TBC1D5: variants seen among roughly 807,000 people sequenced by gnomAD.
TBC1D5 encodes TBC1 domain family, member 5.
Under a neutral mutation model 100.3 loss-of-function variants are expected in TBC1D5, and 75 were observed. That is an observed-to-expected ratio of 0.75 (90% CI 0.62 to 0.91). TBC1D5 has a LOEUF of 0.91. Ranked by LOEUF, TBC1D5 falls within the 40% of genes least tolerant of loss-of-function variation. The pLI is 0.00. For synonymous variants in TBC1D5, 323 were observed against 325.6 expected (o/e 0.99, Z 0.09); for missense variants, 910 against 942.4 (o/e 0.97, Z 0.45).
chr3:17,738,065 C>T (rs966440089), intron 1 of TBC1D5, among the ~76,000 whole-genome samples: 1 of 152,210 alleles, frequency 6.6e-6, no homozygotes, highest in African/African-American at 2.4e-5. Flanking sequence ...CCAATCCTTT[C>T]ACACCATCAC....
chr3:17,345,569 A>C (rs10049142), intron 13 of TBC1D5, among the ~76,000 whole-genome samples: 1 of 151,238 alleles, frequency 6.6e-6, no homozygotes, highest in Non-Finnish European at 1.5e-5. Flanking sequence ...CCCATTACTG[A>C]GTATATACCC....
intron 2 of TBC1D5, among the ~76,000 whole-genome samples, chr3:17,553,228 A>T (rs1483793958): frequency 1.3e-5 from 2 of 152,184 alleles, no homozygotes; most frequent in South Asian, 4.1e-4. Context: ...GTCAATACAC[A>T]AAGTCCTTAG....
chr3:17,362,496 G>C lies in TBC1D5; in HGVS notation c.995+9579C>G, dbSNP rs77147915. Among the ~76,000 whole-genome samples, 5 of 147,314 alleles carry C rather than the reference G, an allele frequency of 3.4e-5. No individual in the cohort carries two copies. The East Asian group carries it at 7.9e-4, about 23-fold the overall frequency. ...CACGTAGACTGACTTTTTTTTTTTT[G>C]AGTCTCACTCTGTCGTCCAGGCTGG... On this transcript the variant is annotated intron_variant, in intron 13 of 21. Transcript: ENST00000253692.
intron 8 of TBC1D5, among the ~76,000 whole-genome samples, chr3:17,388,264 A>G (rs908742409): frequency 6.6e-6 from 1 of 152,138 alleles, no homozygotes; most frequent in African/African-American, 2.4e-5. Context: ...CATCACAAAC[A>G]TGTGGTGTGT....
chr3:17,663,366 C>T (rs1316314782), intron 1 of TBC1D5, among the ~76,000 whole-genome samples: 2 of 151,200 alleles, frequency 1.3e-5, no homozygotes, highest in Admixed American at 6.6e-5. Context: ...AAAATACTGA[C>T]GACATACTAC....
chr3:17,300,630 TAGTAG>T lies in TBC1D5; in HGVS notation c.1138+7357_1138+7361del, dbSNP rs1488010098. Among the ~76,000 whole-genome samples, 4 of 152,134 alleles carry T rather than the reference TAGTAG, an allele frequency of 2.6e-5. No individual in the cohort carries two copies. In the East Asian group the frequency reaches 7.7e-4, roughly 29 times the overall value. ...CCCTATCAAAAACAGAGGAAAATTA[TAGTAG>T]AGTATTGTAACATGCTTACGCTGGC... On this transcript the variant is annotated intron_variant, in intron 14 of 21. Coordinates refer to ENST00000253692, the Ensembl canonical transcript of TBC1D5.
intron 1 of TBC1D5, among the ~76,000 whole-genome samples, chr3:17,667,568 C>T (rs1366865145): frequency 6.6e-6 from 1 of 151,996 alleles, no homozygotes; most frequent in Non-Finnish European, 1.5e-5. Flanking sequence ...CCTCCAACCT[C>T]AGTCTTCCAA....
rs573465481 is a variant in TBC1D5, at chr3:17,291,879, T to C, written c.1245+16A>G. 5 of 1,607,106 alleles carry C rather than the reference T, an allele frequency of 3.1e-6. No individual in the cohort carries two copies. Among genetic ancestry groups the C allele is most frequent in the African/African-American group, 1.3e-5 (1 of 74,738 alleles). ...ACCCAACTTAAAATTATGCATACCC[T>C]ACTGGGGAAGCTTACCTTTGGATCT... On this transcript the variant is annotated intron_variant, in intron 15 of 21. Coordinates refer to ENST00000253692, the Ensembl canonical transcript of TBC1D5.
chr3:17,191,005 A>G (rs2069810914), intron 18 of TBC1D5, among the ~76,000 whole-genome samples: 1 of 152,220 alleles, frequency 6.6e-6, no homozygotes, highest in Admixed American at 6.5e-5. Context: ...AGGGCAAAAC[A>G]CATACACGGT....
intron 8 of TBC1D5, among the ~76,000 whole-genome samples, chr3:17,396,375 CA>C (rs1390378379): frequency 6.6e-6 from 1 of 151,794 alleles, no homozygotes. Context: ...TAACACACAC[CA>C]AAATCAATTC....
At chr3:17,654,466 T>C (rs1028925834) in intron 1 of TBC1D5, among the ~76,000 whole-genome samples, 3 of 152,172 alleles carry the variant, frequency 2.0e-5, no homozygotes, top group Non-Finnish European at 4.4e-5. Flanking sequence ...ATTTTAAAAA[T>C]GAAACCCATA....
intron 13 of TBC1D5, among the ~76,000 whole-genome samples, chr3:17,321,346 C>T (rs186751843): frequency 1.3e-5 from 2 of 152,284 alleles, no homozygotes; most frequent in Admixed American, 1.3e-4. Flanking sequence ...TAGGCTCAGT[C>T]CTGTGTATTA....
chr3:17,166,937 A>AAAG lies in TBC1D5; in HGVS notation c.1933-12_1933-10dup, dbSNP rs755126738. The AAAG allele has an allele frequency of 2.5e-6, 4 of 1,585,994 alleles. No homozygotes were observed. The Admixed American group carries it at 5.6e-5, about 22-fold the overall frequency. On this transcript the variant is annotated splice_polypyrimidine_tract_variant and intron_variant, in intron 20 of 21. Transcript: ENST00000253692. ...TTTAGAATGTCTTTGATCTATTTTC[A>AAAG]AAGAAGAAGAAAATAAATGAAAAAA... is the stretch of plus-strand genomic sequence containing the variant.
At chr3:17,178,488 C>T (rs549993457) in intron 19 of TBC1D5, among the ~76,000 whole-genome samples, 79 of 152,194 alleles carry the variant, frequency 5.2e-4, no homozygotes, top group African/African-American at 1.8e-3. Flanking sequence ...GTGCAGATAT[C>T]TCTTCGATAT....
intron 2 of TBC1D5, among the ~76,000 whole-genome samples, chr3:17,598,324 CTCT>C (rs2060708755): frequency 1.3e-5 from 2 of 152,088 alleles, no homozygotes; most frequent in Non-Finnish European, 2.9e-5. Flanking sequence ...TTAAAGGATT[CTCT>C]TCTTGTAAGT....
exon 12 of TBC1D5, chr3:17,374,483 A>G (rs1168265845): frequency 1.2e-6 from 2 of 1,611,442 alleles, no homozygotes; most frequent in African/African-American, 2.7e-5. Context: ...TCTGACCATC[A>G]TGCTCAAAAG....
chr3:17,708,598 C>T (rs2074403303), intron 1 of TBC1D5, among the ~76,000 whole-genome samples: 1 of 152,204 alleles, frequency 6.6e-6, no homozygotes. Flanking sequence ...GCCAACATTA[C>T]TCCTGAGGTG....
At chr3:17,175,400 T>C (rs1006574515) in intron 19 of TBC1D5, among the ~76,000 whole-genome samples, 2 of 152,188 alleles carry the variant, frequency 1.3e-5, no homozygotes, top group Non-Finnish European at 2.9e-5. Context: ...TCCTAGCACT[T>C]ATCACCCTGT....
At chr3:17,585,149 T>TA (rs1381841917) in intron 2 of TBC1D5, among the ~76,000 whole-genome samples, 1 of 152,156 alleles carries the variant, frequency 6.6e-6, no homozygotes, top group African/African-American at 2.4e-5. Context: ...AACTTTCTAA[T>TA]AAAAAATATT....
Sources: gnomAD v4.1 joint callset for allele counts (sites outside exome capture counted in the v4.1 genomes callset) on GRCh38, gnomAD v4.1.1 for gene constraint, MANE v1.5 for transcripts, NCBI Gene and HGNC (gene_info 2026-07-23, HGNC 2026-07-21) for gene names.